The following PCDHA6 variants were observed in gnomAD, a reference collection of about 807,000 sequenced individuals.
PCDHA6 encodes the protein protocadherin alpha-6.
Under a neutral mutation model 60.3 loss-of-function variants are expected in PCDHA6, and 55 were observed. The ratio of observed to expected loss-of-function variants is 0.91; its 90% CI spans 0.73 to 1.14. The LOEUF (loss-of-function observed/expected upper bound fraction) is 1.14, where lower values mean the gene tolerates loss of function less well. Ranked by LOEUF, PCDHA6 falls within the 50% of genes most tolerant of loss-of-function variation. The probability of loss-of-function intolerance (pLI) is 0.00; values close to 1 mark genes in which losing one functional copy is unlikely to be tolerated. For missense variants in PCDHA6, 1,327 were observed against 1,256.5 expected, an observed-to-expected ratio of 1.06 and a Z score of -0.85; for synonymous variants, 652 against 557.9, an observed-to-expected ratio of 1.17 and a Z score of -2.38.
intron 1 of PCDHA6, among the ~76,000 whole-genome samples, chr5:140,965,199 T>C (rs1296377172): frequency 6.6e-6 from 1 of 152,234 alleles, no homozygotes. Context: ...AGGCAATAGA[T>C]TTCAAATTCC....
chr5:140,980,522 A>G (rs1341350940), intron 2 of PCDHA6, among the ~76,000 whole-genome samples: 2 of 152,074 alleles, frequency 1.3e-5, no homozygotes, highest in Non-Finnish European at 2.9e-5. Flanking sequence ...TCCAGCTACT[A>G]GGGAGGCTGA....
In PCDHA6 at chr5:140,855,179, G is replaced by A. The variant is rs181253905; in HGVS notation, c.2394+24694G>A. Among the ~76,000 whole-genome samples, 493 of 149,782 alleles carry A rather than the reference G, an allele frequency of 3.3e-3. 32 individuals carry two copies. The highest frequency in any genetic ancestry group is 0.014 in the Middle Eastern group (4 of 290). ...ATTGAGCCTCATGAAAACAAATGTGGCCAAATTGAGGCCTGAGAATAGTTT... is the reference window on the plus strand; with the variant it reads ...ATTGAGCCTCATGAAAACAAATGTGACCAAATTGAGGCCTGAGAATAGTTT... On this transcript the variant is annotated intron_variant, in intron 1 of 3. Coordinates refer to ENST00000529310, the MANE Select transcript of PCDHA6 (RefSeq NM_018909.4).
intron 1 of PCDHA6, chr5:140,871,538 ATTATTTAAAATCCAGTTTTTT>A (rs2053161122): frequency 1.3e-5 from 20 of 1,507,314 alleles, no homozygotes; most frequent in Non-Finnish European, 1.8e-5. Context: ...TGTATGTGAA[ATTATTTAAAATCCAGTTTTTT>A]TTCACGGATT....
At chr5:140,879,137 G>A (rs1313863348) in intron 1 of PCDHA6, among the ~76,000 whole-genome samples, 2 of 152,210 alleles carry the variant, frequency 1.3e-5, no homozygotes, top group Non-Finnish European at 2.9e-5. Context: ...GGGAGATTGT[G>A]AAGGCAGGAA....
chr5:140,941,255 C>CTTTCTTTCTTTCTTTCTTTCTT (rs782490896), intron 1 of PCDHA6, among the ~76,000 whole-genome samples: 2 of 44,508 alleles, frequency 4.5e-5, no homozygotes, highest in African/African-American at 1.4e-4. Context: ...TTCTTTCTTT[C>CTTTCTTTCTTTCTTTCTTTCTT]TCTTTCTTTC....
At chr5:140,882,529 T>G (rs1277056302) in intron 1 of PCDHA6, 1 of 1,614,074 alleles carries the variant, frequency 6.2e-7, no homozygotes, top group Non-Finnish European at 8.5e-7. Context: ...TGTTTGTGAA[T>G]TCTCGGATCG....
At chr5:140,951,426 A>T (rs1282737926) in intron 1 of PCDHA6, among the ~76,000 whole-genome samples, 1 of 152,068 alleles carries the variant, frequency 6.6e-6, no homozygotes, top group Non-Finnish European at 1.5e-5. Flanking sequence ...ACAGTTCCAC[A>T]GGCTGTAGGA....
chr5:140,891,399 C>T (rs979878059), intron 1 of PCDHA6, among the ~76,000 whole-genome samples: 12 of 151,644 alleles, frequency 7.9e-5, no homozygotes, highest in African/African-American at 2.4e-4. Context: ...TTTTATCCCT[C>T]GCCACCCCCC....
chr5:140,906,889 G>T (rs1397235059), intron 1 of PCDHA6, among the ~76,000 whole-genome samples: 1 of 152,172 alleles, frequency 6.6e-6, no homozygotes, highest in Non-Finnish European at 1.5e-5. Flanking sequence ...TTCCTTCTTA[G>T]ATTGTTGGTT....
intron 1 of PCDHA6, chr5:140,863,358 G>A (rs1432906108): frequency 8.0e-7 from 1 of 1,243,310 alleles, no homozygotes; most frequent in Non-Finnish European, 1.1e-6. Context: ...CGACGCTGCG[G>A]TGCTTGGCGC....
chr5:140,967,130 G>A (rs1554229204), intron 1 of PCDHA6: 1 of 1,612,184 alleles, frequency 6.2e-7, no homozygotes, highest in East Asian at 2.2e-5. Flanking sequence ...GCTCAGCTTG[G>A]AAGTGCTGGC....
At chr5:140,909,519 T>C (rs975700982) in intron 1 of PCDHA6, among the ~76,000 whole-genome samples, 4 of 152,214 alleles carry the variant, frequency 2.6e-5, no homozygotes, top group Non-Finnish European at 4.4e-5. Context: ...TCACAACCCC[T>C]GCACATTTTG....
At position 140,990,539 on chromosome 5, in the gene PCDHA6, A is replaced by G. The variant is rs2097398985; in HGVS notation, c.2542+7976A>G. ...TGTCTTTTTTGACTGTGCATCATAG[A>G]TACTGTATTACCCAAGAACACACAC... is the stretch of plus-strand genomic sequence containing the variant. On this transcript the variant is annotated intron_variant, in intron 3 of 3. Transcript: ENST00000529310. Among the ~76,000 whole-genome samples the G allele has an allele frequency of 2.6e-5, 4 of 152,262 alleles. No homozygotes were observed. In the South Asian group the frequency reaches 6.2e-4, roughly 24 times the overall value.
At chr5:140,870,590 G>A (rs1238282556) in intron 1 of PCDHA6, 3 of 1,613,446 alleles carry the variant, frequency 1.9e-6, no homozygotes, top group Non-Finnish European at 2.5e-6. Flanking sequence ...CTGGTGGAGC[G>A]GCGGTTGGGC....
intron 1 of PCDHA6, chr5:140,850,587 G>C: frequency 1.3e-6 from 2 of 1,598,490 alleles, no homozygotes; most frequent in Non-Finnish European, 1.7e-6. Flanking sequence ...GGATGTCAAC[G>C]TGTACCTGAT....
At chr5:140,878,787 T>C (rs2057727241) in intron 1 of PCDHA6, among the ~76,000 whole-genome samples, 1 of 152,222 alleles carries the variant, frequency 6.6e-6, no homozygotes, top group Admixed American at 6.5e-5. Flanking sequence ...ATATGTTCAA[T>C]CACTTTTTAA....
intron 1 of PCDHA6, chr5:140,834,252 A>G (rs1772864015): frequency 7.6e-6 from 7 of 916,288 alleles, no homozygotes; most frequent in Non-Finnish European, 1.2e-5. Context: ...CACTGGAAAG[A>G]CGCTCCACTC....
intron 1 of PCDHA6, chr5:140,849,848 C>G (rs1554143388): frequency 1.9e-6 from 3 of 1,598,430 alleles, no homozygotes; most frequent in African/African-American, 1.3e-5. Flanking sequence ...TGAACGACAA[C>G]GCACCAGCGT....
intron 1 of PCDHA6, among the ~76,000 whole-genome samples, chr5:140,878,943 T>C (rs968532854): frequency 6.6e-6 from 1 of 152,220 alleles, no homozygotes; most frequent in Non-Finnish European, 1.5e-5. Context: ...AATAAATATA[T>C]GGTATTGAAA....
Sources: allele counts gnomAD v4.1 joint callset (sites outside exome capture counted in the v4.1 genomes callset), GRCh38; gene constraint gnomAD v4.1.1; transcripts MANE v1.5; gene names NCBI Gene and HGNC (gene_info 2026-07-23, HGNC 2026-07-21).